The following GPR107 variants were observed in gnomAD, a reference collection of about 807,000 sequenced individuals.
GPR107 encodes the protein protein GPR107.
GPR107 carries 31 observed loss-of-function variants against 75.5 expected under a neutral mutation model. The observed-to-expected ratio is 0.41, with a 90% CI of 0.31 to 0.55. The LOEUF is 0.55. GPR107 is among the 20% of genes least tolerant of loss of function. The pLI is 0.26. For synonymous variants in GPR107, 267 were observed against 251.3 expected (o/e 1.06, Z -0.59); for missense variants, 572 against 665.7 (o/e 0.86, Z 1.55).
chr9:130,061,666 G>A (rs1295498200), intron 1 of GPR107, among the ~76,000 whole-genome samples: 3 of 152,176 alleles, frequency 2.0e-5, no homozygotes, highest in African/African-American at 4.8e-5. Context: ...AGGGCAGGCC[G>A]GGCGTGGTGG....
chr9:130,119,551 C>T (rs140445892), intron 14 of GPR107, among the ~76,000 whole-genome samples: 46 of 152,246 alleles, frequency 3.0e-4, no homozygotes, highest in African/African-American at 1.1e-3. Context: ...GCTGACTTAT[C>T]GGAGGCCACA....
intron 1 of GPR107, among the ~76,000 whole-genome samples, chr9:130,067,889 C>T (rs1224113651): frequency 1.1e-4 from 17 of 151,290 alleles, no homozygotes; most frequent in Admixed American, 5.3e-4. Flanking sequence ...GGATTACAAG[C>T]GGGCGCCACC....
intron 17 of GPR107, among the ~76,000 whole-genome samples, chr9:130,132,130 C>T (rs1470978613): frequency 1.3e-5 from 2 of 151,502 alleles, no homozygotes; most frequent in Non-Finnish European, 2.9e-5. Flanking sequence ...AGCAGTCCTC[C>T]CGCCTCAGCC....
intron 15 of GPR107, among the ~76,000 whole-genome samples, chr9:130,125,597 C>CTTT (rs71387321): frequency 8.0e-4 from 82 of 103,108 alleles, no homozygotes; most frequent in Non-Finnish European, 1.2e-3. Context: ...ATCTGAGTTC[C>CTTT]TTTTTTTTTT....
At chr9:130,125,998 T>C (rs1448385735) in intron 15 of GPR107, among the ~76,000 whole-genome samples, 2 of 147,130 alleles carry the variant, frequency 1.4e-5, no homozygotes, top group African/African-American at 2.5e-5. Flanking sequence ...GAGGTTGCAG[T>C]AAGCCGAGAT....
intron 1 of GPR107, among the ~76,000 whole-genome samples, chr9:130,062,616 G>GCCTT (rs1829954365): frequency 8.3e-6 from 1 of 120,278 alleles, no homozygotes; most frequent in East Asian, 2.5e-4. Flanking sequence ...CTGCCTGCCT[G>GCCTT]CCTGCCTTCC....
intron 16 of GPR107, among the ~76,000 whole-genome samples, chr9:130,128,276 G>A (rs562109774): frequency 2.0e-5 from 3 of 152,228 alleles, no homozygotes; most frequent in Non-Finnish European, 4.4e-5. Context: ...GTATCTTTGC[G>A]ACAAACTAGA....
intron 6 of GPR107, among the ~76,000 whole-genome samples, chr9:130,086,147 A>G (rs1407722881): frequency 6.6e-6 from 1 of 152,200 alleles, no homozygotes; most frequent in African/African-American, 2.4e-5. Context: ...CTTCAAGGGT[A>G]GACAAGCTGT....
At chr9:130,116,261 C>T (rs1335882064) in intron 14 of GPR107, among the ~76,000 whole-genome samples, 2 of 152,206 alleles carry the variant, frequency 1.3e-5, no homozygotes, top group African/African-American at 4.8e-5. Context: ...CAGACCCTCC[C>T]TGGACCTGCC....
At chr9:130,093,796 C>A (rs1261942262) in intron 9 of GPR107, among the ~76,000 whole-genome samples, 1 of 151,732 alleles carries the variant, frequency 6.6e-6, no homozygotes, top group Non-Finnish European at 1.5e-5. Context: ...GCTTGGGCAA[C>A]ATAGCAAGAC....
At chr9:130,084,024 G>T (rs1830553475) in intron 6 of GPR107, among the ~76,000 whole-genome samples, 1 of 140,072 alleles carries the variant, frequency 7.1e-6, no homozygotes, top group Non-Finnish European at 1.5e-5. Context: ...TGCAGATGTG[G>T]AACCTGCAAT....
chr9:130,054,193 G>C, intron 1 of GPR107, 120 bp downstream of exon 1: 5 of 1,000,422 alleles, frequency 5.0e-6, no homozygotes, highest in Non-Finnish European at 7.1e-6. Flanking sequence ...CCCTGGCTGC[G>C]GCCTTTCACT....
intron 1 of GPR107, among the ~76,000 whole-genome samples, chr9:130,061,801 G>A (rs1010288826): frequency 6.6e-6 from 1 of 151,992 alleles, no homozygotes; most frequent in Non-Finnish European, 1.5e-5. Context: ...AAAATTAGCC[G>A]GGCATGGTGA....
intron 15 of GPR107, 132 bp downstream of exon 15, chr9:130,125,096 T>TTG (rs1831641863): frequency 2.0e-6 from 1 of 502,758 alleles, no homozygotes; most frequent in African/African-American, 2.2e-5. Context: ...CTTGCTTTTT[T>TTG]TTTTTTTTTT....
At chr9:130,132,141 G>A (rs1274805436) in intron 17 of GPR107, among the ~76,000 whole-genome samples, 1 of 151,458 alleles carries the variant, frequency 6.6e-6, no homozygotes, top group Non-Finnish European at 1.5e-5. Context: ...CGCCTCAGCC[G>A]CCCAAAGTGC....
At chr9:130,132,113 G>A (rs1831841086) in intron 17 of GPR107, among the ~76,000 whole-genome samples, 1 of 152,110 alleles carries the variant, frequency 6.6e-6, no homozygotes, top group African/African-American at 2.4e-5. Context: ...TCAAATTGCT[G>A]GGCTTAAGCA....
At chr9:130,094,681 GT>G (rs540126705) in intron 9 of GPR107, among the ~76,000 whole-genome samples, 10 of 149,474 alleles carry the variant, frequency 6.7e-5, no homozygotes, top group South Asian at 6.3e-4. Context: ...GTTTGTTTTT[GT>G]TTTTTTTTGT....
At position 130,100,638 on chromosome 9, in the gene GPR107, C is replaced by A. The variant is rs1831001451; in HGVS notation, c.949C>A (p.His317Asn). 8.1e-6 allele frequency: 13 copies of A among 1,610,544 alleles called. No homozygotes were observed. Among genetic ancestry groups the A allele is most frequent in the Non-Finnish European group, 1.1e-5 (13 of 1,176,730 alleles). Residue 317 changes from histidine to asparagine, a missense_variant, in exon 11 of 18, where the codon CAC (histidine) becomes AAC (asparagine). By Grantham distance (68) the His-to-Asn change is moderately conservative. Transcript: ENST00000347136. ...AGTTGTTTGATTTCAGATTGACTACCACTACATCTCCTCCCAGGGCTTCCC... is the reference window on the plus strand; with the variant it reads ...AGTTGTTTGATTTCAGATTGACTACAACTACATCTCCTCCCAGGGCTTCCC... ...LSLVFHAIDY[H>N]YISSQGFPIE...
In GPR107 at chr9:130,092,402, A is replaced by G. The variant is rs1830762845; in HGVS notation, c.863+21A>G. The G allele has an allele frequency of 2.5e-6, 4 of 1,600,310 alleles. No individual in the cohort carries two copies. In the South Asian group the frequency reaches 3.3e-5, roughly 13 times the overall value. On this transcript the variant is annotated intron_variant, in intron 9 of 17. Coordinates refer to ENST00000347136, the MANE Select transcript of GPR107 (RefSeq NM_020960.5). Reference sequence around the variant, plus strand: ...CGACGGTAAACTATTTCTCCCTTCAACTTAAGAGTGTGTTGAGATTTGAAT... The same window carrying G: ...CGACGGTAAACTATTTCTCCCTTCAGCTTAAGAGTGTGTTGAGATTTGAAT...
Sources: allele counts gnomAD v4.1 joint callset (sites outside exome capture counted in the v4.1 genomes callset), GRCh38; gene constraint gnomAD v4.1.1; transcripts MANE v1.5; gene names NCBI Gene and HGNC (gene_info 2026-07-23, HGNC 2026-07-21).